ADCY1: variants seen among roughly 807,000 people sequenced by gnomAD.
ADCY1 encodes adenylate cyclase type 1.
In ADCY1, 28 loss-of-function variants were observed where a neutral mutation model predicts 105.4. The ratio of observed to expected loss-of-function variants is 0.27; its 90% CI spans 0.20 to 0.36. The LOEUF is 0.36. Ranked by LOEUF, ADCY1 falls within the 10% of genes least tolerant of loss-of-function variation. ADCY1 has a pLI of 1.00. For missense variants in ADCY1, 977 were observed against 1,434.2 expected (o/e 0.68, Z 5.15); for synonymous variants, 655 against 623.8 (o/e 1.05, Z -0.75).
Position 45,678,151 on chromosome 7 carries a change from T to A in ADCY1, c.1801-15T>A. 1.2e-6 allele frequency: 2 copies of A among 1,614,160 alleles called. No individual in the cohort carries two copies. Among genetic ancestry groups the A allele is most frequent in the Non-Finnish European group, 1.7e-6 (2 of 1,179,988 alleles). The stretch of plus-strand genomic sequence containing the variant: ...AAGCCCTCAGCCCTGATGGATTGAC[T>A]TCTCTCTTACACAGTACCACCAGCT... On this transcript the variant is annotated splice_polypyrimidine_tract_variant and intron_variant, in intron 9 of 19. Transcript: ENST00000297323.
At chr7:45,664,919 C>G (rs1304447912) in intron 8 of ADCY1, among the ~76,000 whole-genome samples, 1 of 152,120 alleles carries the variant, frequency 6.6e-6, no homozygotes, top group Non-Finnish European at 1.5e-5. Context: ...TCCTAATGCT[C>G]TCTCTTCCCT....
At chr7:45,679,639 T>C in intron 10 of ADCY1, 70 bp from the exon 11 acceptor site, 2 of 1,526,596 alleles carry the variant, frequency 1.3e-6, no homozygotes, top group South Asian at 2.3e-5. Context: ...GGGCCAATTC[T>C]CAGCCATCTC....
chr7:45,675,879 A>T (rs1221388183), intron 8 of ADCY1, among the ~76,000 whole-genome samples: 1 of 152,170 alleles, frequency 6.6e-6, no homozygotes, highest in Non-Finnish European at 1.5e-5. Flanking sequence ...TTGCTAACTT[A>T]CTTCAATCTG....
chr7:45,593,951 ATG>A (rs1792999407), intron 2 of ADCY1, among the ~76,000 whole-genome samples: 2 of 152,166 alleles, frequency 1.3e-5, no homozygotes, highest in Admixed American at 1.3e-4. Flanking sequence ...GGGCAGTGGT[ATG>A]TGTCTGTGTA....
rs774107345 is a variant in ADCY1, at chr7:45,574,811, C to T, written c.268C>T (p.Leu90=). The T allele has an allele frequency of 1.3e-6, 2 of 1,595,050 alleles. No homozygotes were observed. Among genetic ancestry groups the T allele is most frequent in the South Asian group, 1.1e-5 (1 of 89,100 alleles). ...GGGCGCGCCGGGGCCCGCGCCCGGC[C>T]TGGCCAAGGGCTCACACCCGGTGCA... ...LLGAPGPAPG[L]AKGSHPVHCV... is the part of the protein sequence containing the mutation. Residue 90 remains leucine (L), a synonymous_variant, in exon 1 of 20, where the codon CTG becomes TTG. Transcript: ENST00000297323. This position sits in a 1 kb window ranked among gnomAD's most constrained non-coding sequence, Gnocchi z 7.0.
In ADCY1 at chr7:45,660,252, T is replaced by C. The variant is rs542246224; in HGVS notation, c.1449+69T>C. The C allele has an allele frequency of 1.1e-5, 17 of 1,574,552 alleles. No homozygotes were observed. The Admixed American group carries it at 2.3e-4, about 21-fold the overall frequency. ...TGGCCTGTGCAGAGCTTTACAGATG[T>C]GACTCCTCCTGCTTCCTCTCCAAGC... is the stretch of plus-strand genomic sequence containing the variant. On this transcript the variant is annotated intron_variant, in intron 7 of 19. Coordinates refer to ENST00000297323, the MANE Select transcript of ADCY1 (RefSeq NM_021116.4).
intron 4 of ADCY1, among the ~76,000 whole-genome samples, chr7:45,623,988 G>T (rs1793979542): frequency 6.6e-6 from 1 of 152,184 alleles, no homozygotes; most frequent in South Asian, 2.1e-4. Flanking sequence ...ACTCCAGGTG[G>T]TCAGGGAGGG....
intron 6 of ADCY1, 23 bp downstream of exon 6, chr7:45,657,908 A>AAGGGGGGGGGGGGGGGGGGGG: frequency 1.3e-5 from 3 of 237,426 alleles, no homozygotes; most frequent in Non-Finnish European, 2.5e-5. Flanking sequence ...TGGGGTGGGG[A>AAGGGGGGGGGGGGGGGGGGGG]GGGGAGGGAG....
chr7:45,690,137 G>A (rs535456311), intron 14 of ADCY1, among the ~76,000 whole-genome samples: 1 of 152,340 alleles, frequency 6.6e-6, no homozygotes, highest in East Asian at 1.9e-4. Context: ...GGGCTGGCAG[G>A]AGGGCACCTC....
chr7:45,579,301 C>T (rs988314118), intron 1 of ADCY1, among the ~76,000 whole-genome samples: 3 of 152,140 alleles, frequency 2.0e-5, no homozygotes, highest in African/African-American at 7.2e-5. Flanking sequence ...CCAGTTAACC[C>T]CATGCCCTGC....
chr7:45,632,087 A>C (rs76207536), intron 4 of ADCY1, among the ~76,000 whole-genome samples: 4,593 of 152,244 alleles, frequency 0.03, 99 homozygotes, highest in African/African-American at 0.055. Flanking sequence ...TTCTCTACTG[A>C]ATTCCCTTTC....
intron 17 of ADCY1, 144 bp downstream of exon 17, chr7:45,704,760 C>T (rs374201443): frequency 1.7e-5 from 11 of 654,950 alleles, no homozygotes; most frequent in Admixed American, 1.1e-4. Context: ...TGTTTTTGTC[C>T]GTGGCTGGCT....
intron 16 of ADCY1, among the ~76,000 whole-genome samples, chr7:45,704,177 C>T (rs529630413): frequency 6.0e-5 from 9 of 150,904 alleles, no homozygotes; most frequent in Middle Eastern, 3.4e-3. Context: ...CAGGCAGGCA[C>T]GCACCCTTGT....
chr7:45,660,964 G>A (rs1473568477), intron 7 of ADCY1, among the ~76,000 whole-genome samples: 1 of 150,056 alleles, frequency 6.7e-6, no homozygotes, highest in Non-Finnish European at 1.5e-5. Flanking sequence ...CAGGTGAGAT[G>A]TTCAGGGCTT....
At chr7:45,702,198 T>C (rs546151673) in intron 14 of ADCY1, among the ~76,000 whole-genome samples, 177 of 152,326 alleles carry the variant, frequency 1.2e-3, no homozygotes, top group Admixed American at 3.3e-4. Context: ...TCTGATAATA[T>C]CAGTACTGCC....
intron 3 of ADCY1, among the ~76,000 whole-genome samples, chr7:45,614,487 G>T (rs1793681786): frequency 6.6e-6 from 1 of 151,982 alleles, no homozygotes; most frequent in African/African-American, 2.4e-5. Context: ...CACAAATAAA[G>T]AACTCCGAGA....
chr7:45,597,659 G>A (rs1482573569), intron 2 of ADCY1, among the ~76,000 whole-genome samples: 1 of 152,178 alleles, frequency 6.6e-6, no homozygotes, highest in Non-Finnish European at 1.5e-5. Flanking sequence ...TAAGGGTCTG[G>A]TCTGCTCCTG....
At chr7:45,650,078 A>G (rs937790113) in intron 5 of ADCY1, among the ~76,000 whole-genome samples, 2 of 152,208 alleles carry the variant, frequency 1.3e-5, no homozygotes, top group Admixed American at 1.3e-4. Context: ...AAAGGATGGG[A>G]TGTTATCACA....
At chr7:45,658,057 C>T (rs1333122501) in intron 6 of ADCY1, among the ~76,000 whole-genome samples, 172 bp downstream of exon 6, 1 of 152,180 alleles carries the variant, frequency 6.6e-6, no homozygotes, top group Non-Finnish European at 1.5e-5. Context: ...CTGTGGTGGG[C>T]GTCCCACCCA....
Sources: allele counts gnomAD v4.1 joint callset (sites outside exome capture counted in the v4.1 genomes callset), GRCh38; gene constraint gnomAD v4.1.1; non-coding constraint Gnocchi (gnomAD v3.1); transcripts MANE v1.5; gene names NCBI Gene and HGNC (gene_info 2026-07-23, HGNC 2026-07-21).